Variants in OLA1 observed in about 807,000 individuals in gnomAD.
OLA1 encodes the protein obg-like ATPase 1.
A neutral mutation model predicts 48.4 loss-of-function variants in OLA1; 14 were observed. The ratio of observed to expected loss-of-function variants is 0.29; its 90% CI spans 0.19 to 0.45. The LOEUF is 0.45. OLA1 is among the 20% of genes least tolerant of loss of function. OLA1 has a pLI of 1.00. For missense variants in OLA1, 325 were observed against 467.1 expected (o/e 0.70, Z 2.80); for synonymous variants, 127 against 150.4 (o/e 0.84, Z 1.14).
At chr2:174,139,611 A>T (rs1009971903) in intron 5 of OLA1, among the ~76,000 whole-genome samples, 1 of 152,230 alleles carries the variant, frequency 6.6e-6, no homozygotes, top group Non-Finnish European at 1.5e-5. Flanking sequence ...TCACGCCTGT[A>T]ATTCCAGCAC....
At chr2:174,223,569 T>C (rs12623517) in intron 3 of OLA1, among the ~76,000 whole-genome samples, 19,408 of 152,122 alleles carry the variant, frequency 0.13, 1,448 homozygotes, top group East Asian at 0.21. Context: ...TCTACATGTA[T>C]TATCTCACTT....
chr2:174,217,445 T>G (rs1045861962), intron 4 of OLA1, among the ~76,000 whole-genome samples: 1 of 136,852 alleles, frequency 7.3e-6, no homozygotes, highest in Non-Finnish European at 1.5e-5. Flanking sequence ...TTTCCAACGC[T>G]TACAGTGCTG....
chr2:174,123,339 T>C, intron 6 of OLA1, 62 bp from the exon 7 acceptor site: 1 of 743,570 alleles, frequency 1.3e-6, no homozygotes, highest in Admixed American at 3.2e-5. Flanking sequence ...AGTAAATCAC[T>C]GAAGAATTTG....
At chr2:174,124,458 GA>G (rs1686001144) in intron 5 of OLA1, 1 of 152,302 alleles carries the variant, frequency 6.6e-6, no homozygotes, top group African/African-American at 2.4e-5. Flanking sequence ...CTGTGAAATG[GA>G]AACGGCAAAC....
At chr2:174,119,582 A>G (rs1685863284) in intron 7 of OLA1, among the ~76,000 whole-genome samples, 1 of 152,082 alleles carries the variant, frequency 6.6e-6, no homozygotes, top group Non-Finnish European at 1.5e-5. Context: ...AGAAATCAAG[A>G]AAATATATTT....
At chr2:174,165,233 A>G (rs1015832383) in intron 4 of OLA1, among the ~76,000 whole-genome samples, 1 of 152,242 alleles carries the variant, frequency 6.6e-6, no homozygotes, top group Non-Finnish European at 1.5e-5. Context: ...CATTGTAATA[A>G]TGAGTATCTA....
intron 5 of OLA1, among the ~76,000 whole-genome samples, chr2:174,127,319 C>A (rs180814766): frequency 6.6e-6 from 1 of 152,264 alleles, no homozygotes; most frequent in African/African-American, 2.4e-5. Flanking sequence ...CTAGACATCC[C>A]CCAAGGTTGT....
intron 4 of OLA1, among the ~76,000 whole-genome samples, chr2:174,181,739 C>T (rs187300556): frequency 1.3e-5 from 2 of 152,302 alleles, no homozygotes; most frequent in East Asian, 3.9e-4. Flanking sequence ...TTTCCCTTAC[C>T]TCCTTCAGTT....
chr2:174,144,503 G>A (rs894540156), intron 4 of OLA1, among the ~76,000 whole-genome samples: 1 of 152,088 alleles, frequency 6.6e-6, no homozygotes, highest in African/African-American at 2.4e-5. Context: ...ATAAAATTTG[G>A]TGGCCATTTG....
At chr2:174,113,309 T>G (rs1420921869) in intron 7 of OLA1, among the ~76,000 whole-genome samples, 1 of 152,160 alleles carries the variant, frequency 6.6e-6, no homozygotes, top group Non-Finnish European at 1.5e-5. Flanking sequence ...GTTTATCATA[T>G]CAATATATAA....
At chr2:174,076,845 A>T (rs2105336523) in intron 10 of OLA1, among the ~76,000 whole-genome samples, 1 of 151,760 alleles carries the variant, frequency 6.6e-6, no homozygotes, top group East Asian at 1.9e-4. Context: ...ATATTTTCAC[A>T]TGTTTTTATA....
At chr2:174,213,317 C>G (rs1377220899) in intron 4 of OLA1, among the ~76,000 whole-genome samples, 1 of 152,128 alleles carries the variant, frequency 6.6e-6, no homozygotes, top group Non-Finnish European at 1.5e-5. Flanking sequence ...TATTGAGAAA[C>G]CTTAACAAGT....
In OLA1 at chr2:174,226,049, A is replaced by G. The variant is rs529747254; in HGVS notation, c.246-2889T>C. Among the ~76,000 whole-genome samples the G allele has an allele frequency of 3.9e-5, 4 of 102,346 alleles. 1 individual carries two copies. The highest frequency in any genetic ancestry group is 3.0e-4 in the Admixed American group (3 of 10,128). 67.1% of individuals were successfully genotyped at this position (102,346 alleles called of 152,430 possible). The stretch of plus-strand genomic sequence containing the variant: ...CTCTACTAAAAAAAAATACAAAAAA[A>G]TTAGCCGGGCGTAGTGGCGGGCGCC... On this transcript the variant is annotated intron_variant, in intron 3 of 10. Transcript: ENST00000284719.
At chr2:174,100,178 T>C (rs1685359356) in intron 7 of OLA1, among the ~76,000 whole-genome samples, 2 of 152,342 alleles carry the variant, frequency 1.3e-5, no homozygotes, top group South Asian at 2.1e-4. Flanking sequence ...AATGAAAATA[T>C]GTGGAAAAAC....
intron 4 of OLA1, among the ~76,000 whole-genome samples, chr2:174,213,756 C>T (rs1463695930): frequency 6.6e-6 from 1 of 151,810 alleles, no homozygotes; most frequent in African/African-American, 2.4e-5. Context: ...TTTGGCAGGC[C>T]GTTTTATCTG....
intron 4 of OLA1, among the ~76,000 whole-genome samples, chr2:174,176,469 A>C (rs1687421171): frequency 6.6e-6 from 1 of 152,196 alleles, no homozygotes. Flanking sequence ...ATCAATTTAA[A>C]ATACATGTCA....
At chr2:174,080,072 A>T (rs1421240737) in intron 9 of OLA1, among the ~76,000 whole-genome samples, 1 of 152,064 alleles carries the variant, frequency 6.6e-6, no homozygotes, top group Non-Finnish European at 1.5e-5. Context: ...TTGTTTACCA[A>T]CTTGGATTTG....
intron 2 of OLA1, among the ~76,000 whole-genome samples, chr2:174,243,672 G>A (rs1689060578): frequency 6.6e-6 from 1 of 152,132 alleles, no homozygotes. Flanking sequence ...AATTGCAATG[G>A]AGGGGAATGT....
intron 7 of OLA1, among the ~76,000 whole-genome samples, chr2:174,115,724 C>T (rs1352925703): frequency 6.6e-6 from 1 of 152,168 alleles, no homozygotes; most frequent in African/African-American, 2.4e-5. Flanking sequence ...CTTGCAGTTT[C>T]CTCTCCCTGA....
Sources: allele counts gnomAD v4.1 joint callset (sites outside exome capture counted in the v4.1 genomes callset), GRCh38; gene constraint gnomAD v4.1.1; transcripts MANE v1.5; gene names NCBI Gene and HGNC (gene_info 2026-07-23, HGNC 2026-07-21).